The following IQCM variants were observed in gnomAD, a reference collection of about 807,000 sequenced individuals.
The protein encoded by IQCM is IQ domain-containing protein M.
Under a neutral mutation model 57.6 loss-of-function variants are expected in IQCM, and 45 were observed. The ratio of observed to expected loss-of-function variants is 0.78; its 90% CI spans 0.62 to 1.00. The LOEUF (loss-of-function observed/expected upper bound fraction) is 1.00. Among genes scored for constraint, IQCM ranks in the 50% least tolerant of loss-of-function variants. The pLI, the probability that IQCM is intolerant of heterozygous loss-of-function variation, is 0.00. For missense variants in IQCM, 468 were observed against 511.6 expected (o/e 0.91, Z 0.82); for synonymous variants, 148 against 158.9 (o/e 0.93, Z 0.51).
rs191433940 is a variant in IQCM at position 149,441,795 on chromosome 4, G to A, written c.1229-8238C>T. Among the ~76,000 whole-genome samples, 532 of 152,184 alleles carry A rather than the reference G, an allele frequency of 3.5e-3. 2 individuals carry two copies. Among genetic ancestry groups the A allele is most frequent in the Middle Eastern group, 0.014 (4 of 294 alleles). On this transcript the variant is annotated intron_variant, in intron 12 of 13. Transcript: ENST00000636793. ...TTCCTATGATTTGAATGTTTGTTTT[G>A]TCCAAAATTCAGCTTGACATTTAGT...
chr4:149,673,435 A>T (rs2150183902), intron 7 of IQCM, among the ~76,000 whole-genome samples: 1 of 152,244 alleles, frequency 6.6e-6, no homozygotes, highest in South Asian at 2.1e-4. Context: ...AAGATCTACC[A>T]AGCAAATGGA....
intron 7 of IQCM, among the ~76,000 whole-genome samples, chr4:149,642,913 C>T (rs1579819535): frequency 1.3e-5 from 2 of 152,044 alleles, no homozygotes; most frequent in Non-Finnish European, 2.9e-5. Flanking sequence ...CTTAGCAGAA[C>T]TCATACACAA....
chr4:149,670,763 A>G (rs1761188757), intron 7 of IQCM, among the ~76,000 whole-genome samples: 1 of 152,146 alleles, frequency 6.6e-6, no homozygotes, highest in South Asian at 2.1e-4. Context: ...GGTTCTGTTC[A>G]TATGATGGAT....
intron 10 of IQCM, among the ~76,000 whole-genome samples, chr4:149,557,517 T>C (rs1242108193): frequency 2.0e-5 from 3 of 152,216 alleles, no homozygotes; most frequent in Non-Finnish European, 2.9e-5. Context: ...TCATGCACGC[T>C]TTTTAAGGCA....
At chr4:149,676,338 T>C (rs1349930936) in intron 7 of IQCM, among the ~76,000 whole-genome samples, 1 of 152,118 alleles carries the variant, frequency 6.6e-6, no homozygotes, top group Admixed American at 6.6e-5. Context: ...GTATGTCTTG[T>C]GATTACAGTA....
chr4:149,461,609 G>C (rs964110912), intron 12 of IQCM, among the ~76,000 whole-genome samples: 3 of 148,664 alleles, frequency 2.0e-5, no homozygotes, highest in Non-Finnish European at 4.4e-5. Context: ...AGCTGTGATT[G>C]TGCCACTGTA....
intron 7 of IQCM, among the ~76,000 whole-genome samples, chr4:149,674,628 G>GA (rs369025459): frequency 6.6e-6 from 1 of 151,898 alleles, no homozygotes; most frequent in African/African-American, 2.4e-5. Context: ...AATCTCCAAA[G>GA]AAAAAAACCT....
chr4:149,579,691 A>G (rs897937623), intron 9 of IQCM, among the ~76,000 whole-genome samples: 2 of 151,856 alleles, frequency 1.3e-5, no homozygotes, highest in African/African-American at 4.8e-5. Context: ...TTTGCCTCAT[A>G]CCACTGAGAA....
intron 13 of IQCM, among the ~76,000 whole-genome samples, chr4:149,424,739 C>G (rs1386542695): frequency 6.6e-6 from 1 of 151,770 alleles, no homozygotes; most frequent in Non-Finnish European, 1.5e-5. Context: ...CTTTATGAAT[C>G]ATAATTTATT....
chr4:149,779,201 T>C (rs921591131), intron 2 of IQCM, among the ~76,000 whole-genome samples: 8 of 152,204 alleles, frequency 5.3e-5, no homozygotes, highest in Non-Finnish European at 1.2e-4. Flanking sequence ...TAATCCACTC[T>C]ACTAACAGGT....
At chr4:149,422,783 T>G (rs1414534373) in intron 13 of IQCM, among the ~76,000 whole-genome samples, 1 of 152,036 alleles carries the variant, frequency 6.6e-6, no homozygotes, top group African/African-American at 2.4e-5. Context: ...TAACTGGCTC[T>G]CTGTAAACAT....
chr4:149,374,587 T>C (rs1730579107), intron 13 of IQCM, among the ~76,000 whole-genome samples: 1 of 152,156 alleles, frequency 6.6e-6, no homozygotes, highest in East Asian at 1.9e-4. Flanking sequence ...GTTATTTTGA[T>C]AGAAAAAGAA....
chr4:149,430,047 A>T, intron 13 of IQCM: 1 of 1,221,482 alleles, frequency 8.2e-7, no homozygotes, highest in Non-Finnish European at 1.0e-6. Context: ...GAAAATAAAT[A>T]GCAGTCAGGT....
intron 13 of IQCM, among the ~76,000 whole-genome samples, chr4:149,393,799 G>A (rs1052856188): frequency 2.0e-5 from 3 of 152,012 alleles, no homozygotes; most frequent in Admixed American, 2.0e-4. Flanking sequence ...AATAAAAAAT[G>A]AGAATTACTT....
intron 5 of IQCM, among the ~76,000 whole-genome samples, chr4:149,725,856 T>C (rs1765843827): frequency 6.6e-6 from 1 of 152,126 alleles, no homozygotes; most frequent in Admixed American, 6.6e-5. Flanking sequence ...CAAGAGCTTC[T>C]ATTTGCTAAA....
intron 12 of IQCM, among the ~76,000 whole-genome samples, chr4:149,511,778 T>G (rs1167480650): frequency 6.6e-6 from 1 of 152,130 alleles, no homozygotes; most frequent in Non-Finnish European, 1.5e-5. Context: ...GAGGCTAGCA[T>G]AGTGCCTGTT....
intron 7 of IQCM, among the ~76,000 whole-genome samples, chr4:149,639,498 A>T (rs181920014): frequency 1.1e-3 from 171 of 152,208 alleles, no homozygotes; most frequent in African/African-American, 4.1e-3. Context: ...TTCTTATCTT[A>T]TCTTCTATTA....
At chr4:149,470,095 A>C (rs1014619245) in intron 12 of IQCM, among the ~76,000 whole-genome samples, 1 of 152,172 alleles carries the variant, frequency 6.6e-6, no homozygotes, top group African/African-American at 2.4e-5. Flanking sequence ...CTAACATCAT[A>C]ATGACAGGAT....
At chr4:149,671,617 T>TGG (rs1579943302) in intron 7 of IQCM, among the ~76,000 whole-genome samples, 2 of 152,206 alleles carry the variant, frequency 1.3e-5, no homozygotes, top group African/African-American at 4.8e-5. Context: ...GGGCATTTAG[T>TGG]GCTATAAATT....
Sources: allele counts gnomAD v4.1 joint callset (sites outside exome capture counted in the v4.1 genomes callset), GRCh38; gene constraint gnomAD v4.1.1; transcripts MANE v1.5; gene names NCBI Gene and HGNC (gene_info 2026-07-23, HGNC 2026-07-21).